ZSCAN5A: variants seen among roughly 807,000 people sequenced by gnomAD.
The protein encoded by ZSCAN5A is zinc finger and SCAN domain containing 5A.
Under a neutral mutation model 23.7 loss-of-function variants are expected in ZSCAN5A, and 12 were observed. That is an observed-to-expected ratio of 0.51 (90% CI 0.32 to 0.82). ZSCAN5A has a LOEUF of 0.82. Ranked by LOEUF, ZSCAN5A falls within the 40% of genes least tolerant of loss-of-function variation. The pLI is 0.03. For synonymous variants in ZSCAN5A, 257 were observed against 239.9 expected, an observed-to-expected ratio of 1.07 and a Z score of -0.66; for missense variants, 597 against 617.9, an observed-to-expected ratio of 0.97 and a Z score of 0.36.
intron 2 of ZSCAN5A, chr19:56,302,788 A>G: frequency 2.5e-6 from 1 of 397,912 alleles, no homozygotes; most frequent in Non-Finnish European, 4.4e-6. Flanking sequence ...CTCCTTTGAA[A>G]TACTGTCACT....
At chr19:56,344,970 T>C in intron 2 of ZSCAN5A, among the ~76,000 whole-genome samples, 1 of 150,216 alleles carries the variant, frequency 6.7e-6, no homozygotes, top group East Asian at 1.9e-4. Context: ...CCAGGCGTGT[T>C]GGCAGGCACC....
intron 2 of ZSCAN5A, among the ~76,000 whole-genome samples, chr19:56,324,590 C>T (rs1219588673): frequency 7.0e-6 from 1 of 142,620 alleles, no homozygotes; most frequent in East Asian, 2.1e-4. Flanking sequence ...CATCAAACAA[C>T]TAAAAATAGA....
intron 1 of ZSCAN5A, 65 bp from the exon 2 acceptor site, chr19:56,313,449 C>T (rs900029813): frequency 5.1e-5 from 8 of 157,886 alleles, no homozygotes; most frequent in African/African-American, 1.9e-4. Flanking sequence ...ATGGGAAAGA[C>T]CTGCCCCCAT....
upstream of ZSCAN5A, among the ~76,000 whole-genome samples, chr19:56,318,962 C>G (rs890364838): frequency 3.9e-5 from 6 of 152,066 alleles, no homozygotes. Flanking sequence ...GTATCCAACT[C>G]TCTAGCACAG....
intron 2 of ZSCAN5A, among the ~76,000 whole-genome samples, chr19:56,231,595 G>A (rs1241443812): frequency 3.3e-5 from 5 of 152,188 alleles, no homozygotes; most frequent in Non-Finnish European, 5.9e-5. Context: ...GATTTGTGGG[G>A]TTATCCTTGA....
At chr19:56,247,892 C>G (rs2036059237) in intron 2 of ZSCAN5A, among the ~76,000 whole-genome samples, 1 of 152,036 alleles carries the variant, frequency 6.6e-6, no homozygotes, top group African/African-American at 2.4e-5. Flanking sequence ...GTGGTTTCAC[C>G]TGTTAGCCAG....
At chr19:56,227,004 T>C (rs1466978879) in intron 2 of ZSCAN5A, among the ~76,000 whole-genome samples, 1 of 151,880 alleles carries the variant, frequency 6.6e-6, no homozygotes, top group African/African-American at 2.4e-5. Context: ...TAGTAGTGAG[T>C]AGAATAGTTA....
chr19:56,264,734 T>C (rs1165639636), intron 2 of ZSCAN5A, among the ~76,000 whole-genome samples: 1 of 152,226 alleles, frequency 6.6e-6, no homozygotes, highest in Non-Finnish European at 1.5e-5. Flanking sequence ...AGGGACCATA[T>C]GGCTAACAAA....
chr19:56,244,056 G>C lies in ZSCAN5A; in HGVS notation c.-127-18883C>G, dbSNP rs58378672. The C allele has an allele frequency of 4.0e-3, 4,074 of 1,019,080 alleles. 113 individuals carry two copies. In the African/African-American group the frequency reaches 0.059, roughly 15 times the overall value. 63.1% of individuals were successfully genotyped at this position (1,019,080 alleles called of 1,614,324 possible). ...TCTCCACCAGATATGGCTGCAAATT[G>C]CAACTCCTCATGGGGTCAGGGAGGA... On this transcript the variant is annotated intron_variant, in intron 2 of 5. Coordinates refer to ENST00000683990, the MANE Select transcript of ZSCAN5A (RefSeq NM_001322064.3).
At chr19:56,283,112 A>G (rs2038835213) in intron 2 of ZSCAN5A, 1 of 152,220 alleles carries the variant, frequency 6.6e-6, no homozygotes, top group Non-Finnish European at 1.5e-5. Context: ...CTCTGTGCCT[A>G]CTTTGCAAGG....
chr19:56,240,018 C>T (rs1238624067), intron 2 of ZSCAN5A, among the ~76,000 whole-genome samples: 1 of 151,948 alleles, frequency 6.6e-6, no homozygotes, highest in Non-Finnish European at 1.5e-5. Context: ...AAAAATTAGC[C>T]AGGCGTGGTG....
At chr19:56,343,023 A>C in intron 2 of ZSCAN5A, 1 of 818,898 alleles carries the variant, frequency 1.2e-6, no homozygotes, top group South Asian at 1.3e-5. Flanking sequence ...TACTTATCCA[A>C]GTCTTCTTTC....
At position 56,321,416 on chromosome 19, in the gene ZSCAN5A, A is replaced by ACACAGAGTC. The variant is rs1600280398; in HGVS notation, c.-357-5157_-357-5149dup. The ACACAGAGTC allele has an allele frequency of 1.7e-5, 11 of 660,936 alleles. No homozygotes were observed. In the East Asian group the frequency reaches 2.9e-4, roughly 17 times the overall value. 40.9% of individuals were successfully genotyped at this position (660,936 alleles called of 1,614,324 possible). A position where few individuals can be genotyped will look rare whatever the true frequency, so the allele number is the denominator to read the frequency against. On this transcript the variant is annotated intron_variant, in intron 2 of 6. Coordinates refer to the ZSCAN5A transcript ENST00000587340. The stretch of plus-strand genomic sequence containing the variant: ...GCAGCATCCTTATCATCTATTTTGC[A>ACACAGAGTC]CACAGAGTCTGTGAAATGTCCAACG...
chr19:56,329,350 G>GAAAACA (rs1202719830), intron 2 of ZSCAN5A, among the ~76,000 whole-genome samples: 2 of 151,708 alleles, frequency 1.3e-5, no homozygotes, highest in Admixed American at 6.6e-5. Context: ...CTCTGTCTCA[G>GAAAACA]AAAACAAAAA....
In ZSCAN5A at chr19:56,222,634, G is replaced by A. The variant is rs1568603953; in HGVS notation, c.696C>T (p.Asn232=). The change falls in exon 5 of 6, where the codon AAC becomes AAT. Residue 232 remains asparagine, a synonymous_variant. Transcript: ENST00000683990. The part of the protein sequence containing the change: ...EKDLKENREE[N]PGLTSPEPQL... ...GAGGCTCTGGGGATGTCAGTCCTGG[G>A]TTCTCTTCCCTGTTTTCCTTCAGAT... The A allele has an allele frequency of 6.2e-7, 1 of 1,614,164 alleles. No homozygotes were observed.
At chr19:56,292,564 A>G (rs1600207275) in intron 2 of ZSCAN5A, among the ~76,000 whole-genome samples, 1 of 151,466 alleles carries the variant, frequency 6.6e-6, no homozygotes, top group Non-Finnish European at 1.5e-5. Context: ...CTGGGATCAC[A>G]GGCACGAGCC....
At chr19:56,365,189 A>T (rs544831993) in intron 1 of ZSCAN5A, 3 of 152,246 alleles carry the variant, frequency 2.0e-5, no homozygotes, top group African/African-American at 7.2e-5. Flanking sequence ...TGACTTGACT[A>T]ATTATTGTTG....
chr19:56,302,595 T>TCCCTCTTCTTCCTCC (rs1600236365), intron 2 of ZSCAN5A, among the ~76,000 whole-genome samples: 37 of 37,480 alleles, frequency 9.9e-4, no homozygotes, highest in African/African-American at 5.2e-3. Flanking sequence ...TTTCTTCCTC[T>TCCCTCTTCTTCCTCC]CCCTCTTCTT....
chr19:56,365,579 C>A (rs181712546), intron 1 of ZSCAN5A: 1 of 152,308 alleles, frequency 6.6e-6, no homozygotes, highest in East Asian at 1.9e-4. Context: ...GTCCTCACTC[C>A]ATCCTAACAA....
Sources: allele counts gnomAD v4.1 joint callset (sites outside exome capture counted in the v4.1 genomes callset), GRCh38; gene constraint gnomAD v4.1.1; transcripts MANE v1.5; gene names NCBI Gene and HGNC (gene_info 2026-07-23, HGNC 2026-07-21).